YIF1B: variants seen among roughly 807,000 people sequenced by gnomAD.
The protein encoded by YIF1B is protein YIF1B.
A neutral mutation model predicts 34.6 loss-of-function variants in YIF1B; 24 were observed. That is an observed-to-expected ratio of 0.69 (90% CI 0.50 to 0.98). The LOEUF is 0.98. Ranked by LOEUF, YIF1B falls within the 50% of genes least tolerant of loss-of-function variation. The pLI, the probability that YIF1B is intolerant of heterozygous loss-of-function variation, is 0.00. For synonymous variants in YIF1B, 186 were observed against 184.8 expected, an observed-to-expected ratio of 1.01 and a Z score of -0.05; for missense variants, 368 against 429.4, an observed-to-expected ratio of 0.86 and a Z score of 1.26.
chr19:38,307,017 G>A (rs774783603), intron 7 of YIF1B: 7 of 478,302 alleles, frequency 1.5e-5, no homozygotes, highest in African/African-American at 1.4e-4. Flanking sequence ...GAAGTGATTT[G>A]CCCAGGATCC....
intron 1 of YIF1B, among the ~76,000 whole-genome samples, chr19:38,310,138 A>G (rs1330336166): frequency 6.7e-6 from 1 of 148,728 alleles, no homozygotes; most frequent in Non-Finnish European, 1.5e-5. Flanking sequence ...CCATCTATCC[A>G]TCTATCCATC....
chr19:38,304,829 G>C lies in YIF1B; in HGVS notation c.*523C>G. Reference sequence around the variant, plus strand: ...GAACCATCTCTTCTCTCCCATCCCTGCCCTCGGCCCCACAGTCCCACGCTG... The same window carrying C: ...GAACCATCTCTTCTCTCCCATCCCTCCCCTCGGCCCCACAGTCCCACGCTG... On this transcript the variant is annotated 3_prime_UTR_variant, in exon 8 of 8. Transcript: ENST00000339413. The C allele has an allele frequency of 6.2e-7, 1 of 1,613,590 alleles. No homozygotes were observed. The highest frequency in any genetic ancestry group is 8.5e-7 in the Non-Finnish European group (1 of 1,179,960).
At chr19:38,307,209 GCCTCTAGCAGCCTGGCTGGTGT>G (rs1969089453) in intron 7 of YIF1B, 197 bp downstream of exon 7, 1 of 581,124 alleles carries the variant, frequency 1.7e-6, no homozygotes, top group African/African-American at 1.9e-5. Flanking sequence ...GGGATCCCCA[GCCTCTAGCAGCCTGGCTGGTGT>G]CTCCTCTTCC....
chr19:38,304,595 C>A lies in YIF1B; in HGVS notation c.*757G>T, dbSNP rs773627820. 6 of 1,612,486 alleles carry A rather than the reference C, an allele frequency of 3.7e-6. No individual in the cohort carries two copies. The highest frequency in any genetic ancestry group is 1.3e-5 in the African/African-American group (1 of 74,902). ...CAACTTCAGGGGGCTGGGTAAGGGG[C>A]GCCGCCTCACTGCCGCACCTCCATC... On this transcript the variant is annotated 3_prime_UTR_variant, in exon 8 of 8. Coordinates refer to ENST00000339413, the MANE Select transcript of YIF1B (RefSeq NM_001039672.3).
In YIF1B at chr19:38,308,780, G is replaced by A; in HGVS notation, c.539+12C>T. ...ACCCCACCTTATTCGGCCTGCCCCAGGCCTCCCTTACCTATCCTGGGTCCC... is the reference window on the plus strand; with the variant it reads ...ACCCCACCTTATTCGGCCTGCCCCAAGCCTCCCTTACCTATCCTGGGTCCC... On this transcript the variant is annotated intron_variant, in intron 5 of 7. Transcript: ENST00000339413. 6.2e-7 allele frequency: 1 copy of A among 1,613,780 alleles called. No individual in the cohort carries two copies. Among genetic ancestry groups the A allele is most frequent in the Non-Finnish European group, 8.5e-7 (1 of 1,179,864 alleles).
chr19:38,314,377 T>C (rs957689848), intron 1 of YIF1B, among the ~76,000 whole-genome samples: 1 of 151,978 alleles, frequency 6.6e-6, no homozygotes, highest in Non-Finnish European at 1.5e-5. Flanking sequence ...CTATTTTTAG[T>C]AGAGATGGGG....
chr19:38,307,352 G>A (rs963803764), intron 7 of YIF1B, 76 bp downstream of exon 7: 2 of 1,495,828 alleles, frequency 1.3e-6, no homozygotes, highest in Non-Finnish European at 1.8e-6. Context: ...CCCCACACCT[G>A]ACATCCTCTG....
chr19:38,313,935 CT>C (rs1969427396), intron 1 of YIF1B, among the ~76,000 whole-genome samples: 1 of 152,252 alleles, frequency 6.6e-6, no homozygotes, highest in Non-Finnish European at 1.5e-5. Flanking sequence ...CTTTCTTTTT[CT>C]CTTCTGAGCA....
At position 38,309,311 on chromosome 19, in the gene YIF1B, G is replaced by A. The variant is rs748982553; in HGVS notation, c.315C>T (p.Pro105=). 6 of 1,614,130 alleles carry A rather than the reference G, an allele frequency of 3.7e-6. No homozygotes were observed. Among genetic ancestry groups the A allele is most frequent in the Admixed American group, 3.3e-5 (2 of 60,014 alleles). Residue 105 remains proline, a synonymous_variant, in exon 3 of 8, where the codon CCC becomes CCT. Transcript: ENST00000339413. ...LVDKNIDRFI[P]ITKLKYYFAV... ...CAAAGTAATACTTGAGCTTGGTGAT[G>A]GGGATGAAGCGGTCGATCTGGGGAG...
chr19:38,305,825 G>A (rs1213210199), intron 7 of YIF1B, among the ~76,000 whole-genome samples: 1 of 152,208 alleles, frequency 6.6e-6, no homozygotes, highest in African/African-American at 2.4e-5. Flanking sequence ...TGGGAGACGT[G>A]GCCCAGGATG....
In YIF1B at chr19:38,304,114, AAT is replaced by A; in HGVS notation, c.*1236_*1237del. On this transcript the variant is annotated 3_prime_UTR_variant, in exon 8 of 8. Transcript: ENST00000339413. ...GAGGAAATCCTGGGTGGTGCCGGGCAATGAGTCAGGGCTGAGGACCAGGACAG... is the reference window on the plus strand; with the variant it reads ...GAGGAAATCCTGGGTGGTGCCGGGCAGAGTCAGGGCTGAGGACCAGGACAG... 1 of 931,056 alleles carries A rather than the reference AAT, an allele frequency of 1.1e-6. No homozygotes were observed. Among genetic ancestry groups the A allele is most frequent in the East Asian group, 2.6e-5 (1 of 38,472 alleles). The allele number at this position is 931,056 out of a possible 1,614,324, so 57.7% of individuals were successfully genotyped here. A position where few individuals can be genotyped will look rare whatever the true frequency, so the allele number is the denominator to read the frequency against.
Position 38,304,570 on chromosome 19 carries a change from C to T in YIF1B, c.*782G>A, listed in dbSNP as rs557919273. On this transcript the variant is annotated 3_prime_UTR_variant, in exon 8 of 8. Coordinates refer to ENST00000339413, the MANE Select transcript of YIF1B (RefSeq NM_001039672.3). ...ACCCCAGGGTCCTGCCTTAGGCCTC[C>T]AACTTCAGGGGGCTGGGTAAGGGGC... The T allele has an allele frequency of 5.3e-5, 86 of 1,609,124 alleles. 1 individual carries two copies. In the South Asian group the frequency reaches 9.3e-4, roughly 17 times the overall value.
Position 38,303,930 on chromosome 19 carries a change from G to A in YIF1B, c.*1422C>T, listed in dbSNP as rs147886339. ...CTGTATTGTCGCGGTACGCAGGAAGGCAGGGGCAGCACCTCCCTCTTCAAG... is the reference window on the plus strand; with the variant it reads ...CTGTATTGTCGCGGTACGCAGGAAGACAGGGGCAGCACCTCCCTCTTCAAG... On this transcript the variant is annotated 3_prime_UTR_variant, in exon 8 of 8. Transcript: ENST00000339413. 2.0e-5 allele frequency among the ~76,000 whole-genome samples: 3 copies of A among 152,222 alleles called. No homozygotes were observed. Among genetic ancestry groups the A allele is most frequent in the Non-Finnish European group, 4.4e-5 (3 of 68,048 alleles).
At position 38,305,474 on chromosome 19, in the gene YIF1B, C is replaced by G; in HGVS notation, c.823G>C (p.Ala275Pro). Reference protein sequence around the residue: ...RTLRLKILADAAAEGVPVRGA... With the variant: ...RTLRLKILADPAAEGVPVRGA... Reference sequence around the variant, plus strand: ...CGCACCGGGACCCCCTCAGCTGCTGCGTCTGCCAAGATCTTCAGCCGCAGC... The same window carrying G: ...CGCACCGGGACCCCCTCAGCTGCTGGGTCTGCCAAGATCTTCAGCCGCAGC... The change falls in exon 8 of 8, where the codon GCA (alanine) becomes CCA (proline). Residue 275 changes from alanine to proline, a missense_variant. By Grantham distance (27) the Ala-to-Pro change is conservative. Coordinates refer to ENST00000339413, the MANE Select transcript of YIF1B (RefSeq NM_001039672.3). 1.2e-6 allele frequency: 2 copies of G among 1,607,426 alleles called. No homozygotes were observed. The highest frequency in any genetic ancestry group is 1.7e-6 in the Non-Finnish European group (2 of 1,175,986).
At position 38,309,732 on chromosome 19, in the gene YIF1B, C is replaced by T; in HGVS notation, c.59-89G>A. 2.0e-6 allele frequency: 3 copies of T among 1,492,164 alleles called. No individual in the cohort carries two copies. The South Asian group carries it at 3.9e-5, about 20-fold the overall frequency. The allele number at this position is 1,492,164 out of a possible 1,614,324, so 92.4% of individuals were successfully genotyped here. On this transcript the variant is annotated intron_variant, in intron 1 of 7. Coordinates refer to ENST00000339413, the MANE Select transcript of YIF1B (RefSeq NM_001039672.3). ...CTCATTCATCCCACAGCTCTGCCTC[C>T]TGCTGCAGAGGAGGGTGGTGTCACC...
Position 38,304,051 on chromosome 19 carries a change from C to T in YIF1B, c.*1301G>A, listed in dbSNP as rs1389174023. ...GCCTCCCCTGAGGCACCAAGGCTGGCGGAAGCAGTCACCTGTCCATCTCCC... is the reference window on the plus strand; with the variant it reads ...GCCTCCCCTGAGGCACCAAGGCTGGTGGAAGCAGTCACCTGTCCATCTCCC... On this transcript the variant is annotated 3_prime_UTR_variant, in exon 8 of 8. Transcript: ENST00000339413. The T allele has an allele frequency of 3.1e-5, 20 of 638,050 alleles. No individual in the cohort carries two copies. Among genetic ancestry groups the T allele is most frequent in the Non-Finnish European group, 4.8e-5 (18 of 373,602 alleles). 39.5% of individuals were successfully genotyped at this position (638,050 alleles called of 1,614,324 possible). A position where few individuals can be genotyped will look rare whatever the true frequency, so the allele number is the denominator to read the frequency against.
In YIF1B at chr19:38,304,907, G is replaced by A. The variant is rs1239019301; in HGVS notation, c.*445C>T. The A allele has an allele frequency of 8.7e-7, 1 of 1,150,070 alleles. No individual in the cohort carries two copies. Among genetic ancestry groups the A allele is most frequent in the Non-Finnish European group, 1.2e-6 (1 of 851,834 alleles). The allele number at this position is 1,150,070 out of a possible 1,614,324, so 71.2% of individuals were successfully genotyped here. On this transcript the variant is annotated 3_prime_UTR_variant, in exon 8 of 8. Transcript: ENST00000339413. ...CGGGCAAGGCCAAGAAGCCCAAAGT[G>A]AAGAAGAAGGAGAAGGGCAAGAAGG... is the stretch of plus-strand genomic sequence containing the variant.
At chr19:38,320,400 A>G, upstream of YIF1B, 3 of 1,026,558 alleles carry the variant, frequency 2.9e-6, no homozygotes, top group Non-Finnish European at 2.8e-6. Context: ...ATCCCCCGAA[A>G]AGACCCCAGT....
intron 7 of YIF1B, chr19:38,307,020 C>T: frequency 2.1e-6 from 1 of 479,472 alleles, no homozygotes; most frequent in South Asian, 1.5e-5. Flanking sequence ...GTGATTTGCC[C>T]AGGATCCAAC....
Sources: gnomAD v4.1 joint callset for allele counts (sites outside exome capture counted in the v4.1 genomes callset) on GRCh38, gnomAD v4.1.1 for gene constraint, MANE v1.5 for transcripts, NCBI Gene and HGNC (gene_info 2026-07-23, HGNC 2026-07-21) for gene names.